The following VPS54 variants were observed in gnomAD, a reference collection of about 807,000 sequenced individuals.
VPS54 encodes the protein vacuolar protein sorting-associated protein 54.
VPS54 carries 45 observed loss-of-function variants against 121.5 expected under a neutral mutation model. The observed-to-expected ratio is 0.37, with a 90% CI of 0.29 to 0.47. VPS54 has a LOEUF of 0.47. Among genes scored for constraint, VPS54 ranks in the 20% least tolerant of loss-of-function variants. VPS54 has a pLI of 0.99. For missense variants in VPS54, 1,090 were observed against 1,131.4 expected (o/e 0.96, Z 0.52); for synonymous variants, 371 against 385.8 (o/e 0.96, Z 0.45).
At chr2:63,948,956 C>T (rs982657881) in intron 8 of VPS54, 81 bp downstream of exon 8, 6 of 1,532,848 alleles carry the variant, frequency 3.9e-6, no homozygotes, top group Non-Finnish European at 5.3e-6. Flanking sequence ...AATTTTGATT[C>T]CTATAATCTG....
chr2:63,975,299 TGGGA>T (rs1676471485), intron 3 of VPS54: 1 of 337,650 alleles, frequency 3.0e-6, no homozygotes, highest in Non-Finnish European at 5.4e-6. Context: ...GAACTAACTT[TGGGA>T]GGAACTTAGC....
At chr2:63,962,530 T>A in intron 6 of VPS54, 87 bp from the exon 7 acceptor site, 2 of 1,415,434 alleles carry the variant, frequency 1.4e-6, no homozygotes, top group Non-Finnish European at 1.9e-6. Flanking sequence ...ATAAAAGATT[T>A]CTACATATAC....
intron 1 of VPS54, among the ~76,000 whole-genome samples, chr2:64,000,951 C>T (rs1677843967): frequency 6.6e-6 from 1 of 152,230 alleles, no homozygotes; most frequent in Admixed American, 6.5e-5. Context: ...AGCTTCTGTC[C>T]TTCTCTTCAA....
chr2:64,005,586 T>C (rs1678107231), intron 1 of VPS54, among the ~76,000 whole-genome samples: 1 of 152,214 alleles, frequency 6.6e-6, no homozygotes, highest in Non-Finnish European at 1.5e-5. Flanking sequence ...GTTTCTTATA[T>C]TCCTAATTAA....
intron 1 of VPS54, among the ~76,000 whole-genome samples, chr2:64,005,320 G>A (rs1333994589): frequency 1.3e-5 from 2 of 149,740 alleles, no homozygotes; most frequent in Non-Finnish European, 3.0e-5. Flanking sequence ...AGCCAAGATG[G>A]TCTCGATCTC....
At chr2:63,913,824 C>T (rs1245492389) in intron 17 of VPS54, 1 of 1,053,556 alleles carries the variant, frequency 9.5e-7, no homozygotes, top group Non-Finnish European at 1.1e-6. Flanking sequence ...AAATCTCTAA[C>T]CTTAGTGAGA....
In VPS54 at chr2:63,944,581, C is replaced by T; in HGVS notation, c.1301+19G>A. Reference sequence around the variant, plus strand: ...CTTTTCTCTGACTGATAACCACCAACCTATATATTTATACTTACTTCACAA... The same window carrying T: ...CTTTTCTCTGACTGATAACCACCAATCTATATATTTATACTTACTTCACAA... On this transcript the variant is annotated intron_variant, in intron 10 of 22. Coordinates refer to ENST00000272322, the MANE Select transcript of VPS54 (RefSeq NM_016516.3). 2 of 1,595,270 alleles carry T rather than the reference C, an allele frequency of 1.3e-6. No homozygotes were observed. Among genetic ancestry groups the T allele is most frequent in the African/African-American group, 1.3e-5 (1 of 74,432 alleles).
intron 21 of VPS54, among the ~76,000 whole-genome samples, chr2:63,897,920 G>A (rs1376439700): frequency 6.6e-6 from 1 of 152,164 alleles, no homozygotes; most frequent in Non-Finnish European, 1.5e-5. Flanking sequence ...ATGTCATAAT[G>A]ATAGAGGCAA....
At chr2:63,981,014 A>T (rs1019265905) in intron 3 of VPS54, among the ~76,000 whole-genome samples, 1 of 152,118 alleles carries the variant, frequency 6.6e-6, no homozygotes, top group Non-Finnish European at 1.5e-5. Flanking sequence ...AAGTAAAATA[A>T]AACCAGCTAA....
intron 12 of VPS54, among the ~76,000 whole-genome samples, chr2:63,933,005 G>GA (rs1201232693): frequency 1.3e-5 from 2 of 152,034 alleles, no homozygotes; most frequent in East Asian, 1.9e-4. Flanking sequence ...AAAGGATTCA[G>GA]AAAAAATATT....
At chr2:63,997,790 T>C (rs891919073) in intron 1 of VPS54, among the ~76,000 whole-genome samples, 6 of 152,030 alleles carry the variant, frequency 3.9e-5, no homozygotes, top group African/African-American at 1.2e-4. Context: ...CATCATTAGG[T>C]TTTTATTTAA....
At chr2:63,934,373 G>A (rs1201218376) in intron 11 of VPS54, among the ~76,000 whole-genome samples, 2 of 152,080 alleles carry the variant, frequency 1.3e-5, no homozygotes, top group African/African-American at 4.8e-5. Context: ...AAAAGAAAAG[G>A]AATCTGTGTT....
intron 22 of VPS54, among the ~76,000 whole-genome samples, chr2:63,894,426 G>C (rs1484612285): frequency 6.6e-6 from 1 of 152,190 alleles, no homozygotes; most frequent in Non-Finnish European, 1.5e-5. Flanking sequence ...TCATGGCCAG[G>C]AGCAGTGGCT....
intron 5 of VPS54, 53 bp downstream of exon 5, chr2:63,968,904 A>G (rs2104578237): frequency 1.3e-6 from 2 of 1,521,142 alleles, no homozygotes; most frequent in Non-Finnish European, 1.8e-6. Context: ...TTGTAAGGCA[A>G]AATTAAAGAT....
intron 1 of VPS54, among the ~76,000 whole-genome samples, chr2:64,017,104 G>A (rs1056461772): frequency 6.6e-6 from 1 of 151,020 alleles, no homozygotes; most frequent in African/African-American, 2.4e-5. Context: ...CACTCTGGGA[G>A]GCCGAGGCCG....
intron 22 of VPS54, among the ~76,000 whole-genome samples, chr2:63,893,958 TACAG>T (rs1392045456): frequency 6.6e-6 from 1 of 152,194 alleles, no homozygotes; most frequent in Non-Finnish European, 1.5e-5. Flanking sequence ...AGGCGTTAAA[TACAG>T]ACTAGTATTC....
chr2:63,950,255 G>A (rs1675176939), intron 7 of VPS54, among the ~76,000 whole-genome samples: 1 of 152,140 alleles, frequency 6.6e-6, no homozygotes, highest in Non-Finnish European at 1.5e-5. Flanking sequence ...CATCTTCAAT[G>A]GTGTAATCCT....
intron 7 of VPS54, among the ~76,000 whole-genome samples, chr2:63,960,354 C>T (rs906659117): frequency 3.3e-5 from 5 of 152,228 alleles, no homozygotes; most frequent in African/African-American, 1.2e-4. Context: ...CTTCCTTGAG[C>T]TCATAATAAA....
intron 2 of VPS54, among the ~76,000 whole-genome samples, chr2:63,982,147 AAAG>A (rs1378247999): frequency 6.6e-6 from 1 of 152,216 alleles, no homozygotes; most frequent in African/African-American, 2.4e-5. Flanking sequence ...AGTGAATAGT[AAAG>A]AAAGTCTTTC....
Sources: gnomAD v4.1 joint callset for allele counts (sites outside exome capture counted in the v4.1 genomes callset) on GRCh38, gnomAD v4.1.1 for gene constraint, MANE v1.5 for transcripts, NCBI Gene and HGNC (gene_info 2026-07-23, HGNC 2026-07-21) for gene names.